CAPN13: variants seen among roughly 807,000 people sequenced by gnomAD.
CAPN13 encodes the protein calpain 13.
A neutral mutation model predicts 98.4 loss-of-function variants in CAPN13; 90 were observed. The observed-to-expected ratio is 0.92, with a 90% CI of 0.77 to 1.09. CAPN13 has a LOEUF of 1.09. Among genes scored for constraint, CAPN13 ranks in the 50% least tolerant of loss-of-function variants. The probability of loss-of-function intolerance (pLI) is 0.00; values close to 1 mark genes in which losing one functional copy is unlikely to be tolerated. For missense variants in CAPN13, 887 were observed against 841.3 expected (o/e 1.05, Z -0.67); for synonymous variants, 330 against 305.5 (o/e 1.08, Z -0.84).
At position 30,803,007 on chromosome 2, in the gene CAPN13, T is replaced by A. The variant is rs116669080; in HGVS notation, c.-33+4295A>T. Among the ~76,000 whole-genome samples the A allele has an allele frequency of 4.5e-3, 681 of 152,302 alleles. 5 individuals are homozygous for A. The highest frequency in any genetic ancestry group is 0.016 in the African/African-American group (656 of 41,560). The stretch of plus-strand genomic sequence containing the variant: ...AACGTGCATCTGGTGGTCTGCTGGC[T>A]GGAGTCCCAGGAGCCAGCCCCTGCA... On this transcript the variant is annotated intron_variant, in intron 1 of 22. Transcript: ENST00000295055.
intron 12 of CAPN13, among the ~76,000 whole-genome samples, chr2:30,743,983 A>G (rs1040460981): frequency 2.6e-5 from 4 of 152,356 alleles, no homozygotes; most frequent in South Asian, 2.1e-4. Context: ...CTGCTATACC[A>G]TTACAGAATT....
At chr2:30,755,301 A>G (rs759873508) in intron 8 of CAPN13, among the ~76,000 whole-genome samples, 1 of 151,802 alleles carries the variant, frequency 6.6e-6, no homozygotes, top group Non-Finnish European at 1.5e-5. Context: ...TCCATAGCCC[A>G]CTGTGTTACC....
At chr2:30,802,182 G>A (rs1242088145) in intron 1 of CAPN13, among the ~76,000 whole-genome samples, 3 of 151,990 alleles carry the variant, frequency 2.0e-5, no homozygotes, top group African/African-American at 7.2e-5. Context: ...GCGGGGGTTT[G>A]GAGACAAATC....
intron 2 of CAPN13, among the ~76,000 whole-genome samples, chr2:30,783,116 T>C (rs532381793): frequency 3.9e-5 from 6 of 152,330 alleles, no homozygotes; most frequent in African/African-American, 1.4e-4. Flanking sequence ...AAATGAAATA[T>C]TGCATGTAAA....
rs764099159 is a variant in CAPN13 at position 30,787,341 on chromosome 2, A to G, written c.-16T>C. On this transcript the variant is annotated 5_prime_UTR_variant, in exon 2 of 23. Coordinates refer to ENST00000295055, the MANE Select transcript of CAPN13 (RefSeq NM_144575.3). ...AATACGCCATGACTCTCCTTAGAAG[A>G]CTTCCGAGGTCCTTTCCTGTTGGTG... 4 of 1,601,780 alleles carry G rather than the reference A, an allele frequency of 2.5e-6. No individual in the cohort carries two copies. Among genetic ancestry groups the G allele is most frequent in the Middle Eastern group, 1.7e-4 (1 of 5,998 alleles).
intron 7 of CAPN13, among the ~76,000 whole-genome samples, chr2:30,759,025 TC>T (rs1298667114): frequency 9.5e-5 from 5 of 52,434 alleles, no homozygotes; most frequent in Non-Finnish European, 1.5e-4. Context: ...CTCCTATTCT[TC>T]CTTCCCTCCC....
Position 30,788,805 on chromosome 2 carries a change from TAGAC to T in CAPN13, c.-32-1452_-32-1449del, listed in dbSNP as rs538987523. Among the ~76,000 whole-genome samples the T allele has an allele frequency of 2.1e-3, 313 of 152,334 alleles. 1 individual carries two copies. The highest frequency in any genetic ancestry group is 5.8e-3 in the African/African-American group (241 of 41,580). On this transcript the variant is annotated intron_variant, in intron 1 of 22. Coordinates refer to ENST00000295055, the MANE Select transcript of CAPN13 (RefSeq NM_144575.3). ...AAGTTATTTAGATAGCACAAATTCA[TAGAC>T]AGAATATCACCAGTCATTGTGCAAG...
At chr2:30,805,747 C>CTTTTT (rs72100161) in intron 1 of CAPN13, among the ~76,000 whole-genome samples, 4 of 121,524 alleles carry the variant, frequency 3.3e-5, no homozygotes, top group Non-Finnish European at 3.3e-5. Flanking sequence ...GTAGGTTGGT[C>CTTTTT]TTTTTTTTTT....
At chr2:30,768,859 C>T (rs1044437986) in intron 5 of CAPN13, among the ~76,000 whole-genome samples, 1 of 152,050 alleles carries the variant, frequency 6.6e-6, no homozygotes, top group East Asian at 1.9e-4. Context: ...TTGCTCAGTG[C>T]CTCTTACCTC....
intron 1 of CAPN13, among the ~76,000 whole-genome samples, chr2:30,797,041 G>A (rs1230702390): frequency 6.6e-6 from 1 of 152,164 alleles, no homozygotes; most frequent in Non-Finnish European, 1.5e-5. Flanking sequence ...TTTCATATTG[G>A]CAAAAATGTG....
intron 2 of CAPN13, among the ~76,000 whole-genome samples, chr2:30,781,387 C>A (rs1673976537): frequency 6.6e-6 from 1 of 152,088 alleles, no homozygotes; most frequent in Non-Finnish European, 1.5e-5. Flanking sequence ...TTTTATATAC[C>A]ATCCTAACTG....
chr2:30,775,899 CA>C, intron 4 of CAPN13, 30 bp downstream of exon 4: 1 of 1,518,512 alleles, frequency 6.6e-7, no homozygotes, highest in Non-Finnish European at 9.0e-7. Flanking sequence ...AGAACCCCAT[CA>C]TATAATGAGC....
intron 1 of CAPN13, among the ~76,000 whole-genome samples, chr2:30,796,644 C>T (rs1411430979): frequency 6.6e-6 from 1 of 151,954 alleles, no homozygotes; most frequent in Non-Finnish European, 1.5e-5. Flanking sequence ...ACTTCAAAAC[C>T]AAGAAGATGA....
Position 30,772,869 on chromosome 2 carries a change from A to G in CAPN13, c.388-2420T>C, listed in dbSNP as rs979962705. Among the ~76,000 whole-genome samples the G allele has an allele frequency of 1.4e-4, 21 of 149,336 alleles. No individual in the cohort carries two copies. The Admixed American group carries it at 1.4e-3, about 10-fold the overall frequency. On this transcript the variant is annotated intron_variant, in intron 4 of 22. Transcript: ENST00000295055. ...GAGTCTCGCCCTGTTGCCAGGCTGG[A>G]GTGCAGTAGTGCAGTGGCATGATCT...
At chr2:30,787,603 G>A (rs1043679056) in intron 1 of CAPN13, among the ~76,000 whole-genome samples, 1 of 152,188 alleles carries the variant, frequency 6.6e-6, no homozygotes, top group African/African-American at 2.4e-5. Context: ...AAGAGGCTAT[G>A]GGGTACTAGT....
Position 30,734,535 on chromosome 2 carries a change from A to G in CAPN13, c.1723-11T>C, listed in dbSNP as rs189403884. The G allele has an allele frequency of 8.7e-6, 14 of 1,607,520 alleles. No individual in the cohort carries two copies. In the Admixed American group the frequency reaches 2.0e-4, roughly 23 times the overall value. On this transcript the variant is annotated splice_polypyrimidine_tract_variant and intron_variant, in intron 18 of 22. Transcript: ENST00000295055. ...CTTCTGGAAAACATGCTAATAGGGG[A>G]AGAGAAGCAAGAAGTCTGTGTGAAG...
chr2:30,759,031 C>T (rs1355640792), intron 7 of CAPN13, among the ~76,000 whole-genome samples: 61 of 42,004 alleles, frequency 1.5e-3, no homozygotes, highest in African/African-American at 6.2e-3. Flanking sequence ...TTCTTCCTTC[C>T]CTCCCTCCCT....
intron 1 of CAPN13, among the ~76,000 whole-genome samples, chr2:30,801,254 T>G (rs1489479822): frequency 6.6e-6 from 1 of 152,158 alleles, no homozygotes; most frequent in Non-Finnish European, 1.5e-5. Flanking sequence ...ATAATCCGTT[T>G]ATTCTTAAAG....
intron 15 of CAPN13, among the ~76,000 whole-genome samples, chr2:30,738,802 C>T (rs1671510917): frequency 6.6e-6 from 1 of 152,114 alleles, no homozygotes; most frequent in Admixed American, 6.5e-5. Context: ...TCAACTCAAC[C>T]CTTTAGATGT....
Sources: gnomAD v4.1 joint callset for allele counts (sites outside exome capture counted in the v4.1 genomes callset) on GRCh38, gnomAD v4.1.1 for gene constraint, MANE v1.5 for transcripts, NCBI Gene and HGNC (gene_info 2026-07-23, HGNC 2026-07-21) for gene names.